ROR2: variants seen among roughly 807,000 people sequenced by gnomAD.
ROR2 encodes the protein ROR family WNT receptor 2.
A neutral mutation model predicts 74.9 loss-of-function variants in ROR2; 33 were observed. The observed-to-expected ratio is 0.44, with a 90% CI of 0.33 to 0.59. ROR2 has a LOEUF of 0.59. Ranked by LOEUF, ROR2 falls within the 20% of genes least tolerant of loss-of-function variation. The pLI, the probability that ROR2 is intolerant of heterozygous loss-of-function variation, is 0.02. For synonymous variants in ROR2, 586 were observed against 558.7 expected, an observed-to-expected ratio of 1.05 and a Z score of -0.69; for missense variants, 1,216 against 1,313.8, an observed-to-expected ratio of 0.93 and a Z score of 1.15.
intron 1 of ROR2, among the ~76,000 whole-genome samples, chr9:91,845,877 CAAAAAAAAAAAAAAAAA>C (rs5899143): frequency 2.4e-4 from 8 of 33,876 alleles, no homozygotes; most frequent in East Asian, 2.0e-3. Context: ...GAATCCATCT[CAAAAAAAAAAAAAAAAA>C]AAAAAAAAAA....
chr9:91,733,003 G>A lies in ROR2; in HGVS notation c.937+119C>T, dbSNP rs79697373. 59,570 of 1,018,922 alleles carry A rather than the reference G, an allele frequency of 0.058. 2,072 individuals are homozygous for A. Among genetic ancestry groups the A allele is most frequent in the African/African-American group, 0.12 (7,262 of 62,176 alleles). The allele number at this position is 1,018,922 out of a possible 1,614,324, so 63.1% of individuals were successfully genotyped here. A position where few individuals can be genotyped will look rare whatever the true frequency, so the allele number is the denominator to read the frequency against. ...CTGTGGGGCCCTCGGCTGCTAAGGG[G>A]GTTCTGTGGGGCCTGGACAGATGGG... On this transcript the variant is annotated intron_variant, in intron 6 of 8. Coordinates refer to ENST00000375708, the MANE Select transcript of ROR2 (RefSeq NM_004560.4). The surrounding 1 kb of genome is among the most constrained non-coding windows in gnomAD (Gnocchi z 5.7).
chr9:91,870,333 C>T (rs1157359695), intron 1 of ROR2, among the ~76,000 whole-genome samples: 1 of 152,136 alleles, frequency 6.6e-6, no homozygotes, highest in Non-Finnish European at 1.5e-5. Flanking sequence ...TATTTTAGAA[C>T]CAAGGAAACT....
intron 1 of ROR2, among the ~76,000 whole-genome samples, chr9:91,824,297 T>C (rs1418919535): frequency 2.0e-5 from 3 of 152,170 alleles, no homozygotes; most frequent in Non-Finnish European, 4.4e-5. Flanking sequence ...GCCTGTGGGG[T>C]TCCCCCAGCC....
rs1008490229 is a variant in ROR2, at chr9:91,733,185, G to C, written c.874C>G (p.Pro292Ala). 1.9e-6 allele frequency: 3 copies of C among 1,609,980 alleles called. No homozygotes were observed. Among genetic ancestry groups the C allele is most frequent in the Non-Finnish European group, 2.5e-6 (3 of 1,178,940 alleles). Reference protein sequence around the residue: ...QLPKCEALPMPESPDAANCMR... With the variant: ...QLPKCEALPMAESPDAANCMR... ...CAGTTGGCAGCGTCGGGGCTCTCAG[G>C]CATGGGCAGCGCCTCACACTTGGGC... Residue 292 changes from proline to alanine, a missense_variant, in exon 6 of 9, where the codon CCT becomes GCT. Physicochemically the swap from Pro to Ala is conservative, Grantham distance 27. Transcript: ENST00000375708. The surrounding 1 kb of genome is among the most constrained non-coding windows in gnomAD (Gnocchi z 5.7).
chr9:91,887,788 C>CCT (rs1554689289), intron 1 of ROR2, among the ~76,000 whole-genome samples: 2 of 100,686 alleles, frequency 2.0e-5, no homozygotes, highest in Non-Finnish European at 3.6e-5. Context: ...CTTTTTTTCT[C>CCT]TTTTTTTTTT....
chr9:91,848,764 GAAAAAAAA>G (rs36044426), intron 1 of ROR2, among the ~76,000 whole-genome samples: 8 of 103,764 alleles, frequency 7.7e-5, no homozygotes, highest in South Asian at 3.5e-4. Flanking sequence ...CAGGGGGGAA[GAAAAAAAA>G]AAAAAAAAAA....
intron 1 of ROR2, among the ~76,000 whole-genome samples, chr9:91,792,551 G>GC (rs1827034936): frequency 6.6e-6 from 1 of 152,048 alleles, no homozygotes; most frequent in African/African-American, 2.4e-5. Flanking sequence ...CTTGTGATCC[G>GC]CCCACCTTGG....
At chr9:91,763,099 A>G (rs943710408) in intron 2 of ROR2, among the ~76,000 whole-genome samples, 1 of 152,200 alleles carries the variant, frequency 6.6e-6, no homozygotes, top group Admixed American at 6.5e-5. Flanking sequence ...TCATGTTCTC[A>G]CTTATAAGTG....
chr9:91,835,014 G>GGGCC (rs1828569472), intron 1 of ROR2, among the ~76,000 whole-genome samples: 1 of 152,150 alleles, frequency 6.6e-6, no homozygotes, highest in Admixed American at 6.5e-5. Flanking sequence ...GTGGGTGGGT[G>GGGCC]GGCCAGGGAT....
At position 91,825,913 on chromosome 9, in the gene ROR2, A is replaced by T. The variant is rs1252099844; in HGVS notation, c.98-50095T>A. 3.3e-5 allele frequency among the ~76,000 whole-genome samples: 5 copies of T among 152,312 alleles called. No individual in the cohort carries two copies. The East Asian group carries it at 9.7e-4, about 29-fold the overall frequency. On this transcript the variant is annotated intron_variant, in intron 1 of 8. Coordinates refer to ENST00000375708, the MANE Select transcript of ROR2 (RefSeq NM_004560.4). ...AGAAGGTCCTTCCATCGGCGAATAA[A>T]CCAATGAAAAGCTTTAATGCTGACT...
chr9:91,901,319 A>G (rs1233196846), intron 1 of ROR2, among the ~76,000 whole-genome samples: 1 of 152,204 alleles, frequency 6.6e-6, no homozygotes, highest in Non-Finnish European at 1.5e-5. Flanking sequence ...TACCTGTGGG[A>G]TATCATGAAA....
intron 1 of ROR2, among the ~76,000 whole-genome samples, chr9:91,904,081 C>T (rs1830748448): frequency 6.6e-6 from 1 of 151,292 alleles, no homozygotes. Flanking sequence ...CGCTCTGCCG[C>T]ATAGGCTGGA....
intron 1 of ROR2, among the ~76,000 whole-genome samples, chr9:91,794,304 A>G (rs1337793569): frequency 6.6e-6 from 1 of 152,234 alleles, no homozygotes; most frequent in Non-Finnish European, 1.5e-5. Context: ...CTAAGTTTCT[A>G]CTGTCACCCC....
intron 1 of ROR2, among the ~76,000 whole-genome samples, chr9:91,922,336 T>G (rs1051713545): frequency 6.6e-6 from 1 of 152,194 alleles, no homozygotes; most frequent in Non-Finnish European, 1.5e-5. Flanking sequence ...GAATGAAATG[T>G]TACTTGGAAA....
chr9:91,934,306 C>T (rs558821210), intron 1 of ROR2, among the ~76,000 whole-genome samples: 3 of 152,274 alleles, frequency 2.0e-5, no homozygotes, highest in East Asian at 3.9e-4. Flanking sequence ...ACAGAAGTCC[C>T]TTTTGATCAT....
At chr9:91,726,019 A>G (rs1372216708) in intron 8 of ROR2, among the ~76,000 whole-genome samples, 2 of 152,214 alleles carry the variant, frequency 1.3e-5, no homozygotes, top group East Asian at 3.8e-4. Flanking sequence ...AGGCTGCAGC[A>G]CATGTTCTCA....
chr9:91,819,958 C>T (rs781562126), intron 1 of ROR2, among the ~76,000 whole-genome samples: 2 of 151,780 alleles, frequency 1.3e-5, no homozygotes, highest in African/African-American at 2.4e-5. Flanking sequence ...GTGTATGTGT[C>T]TGTCTTTGAC....
Position 91,730,977 on chromosome 9 carries a change from C to A in ROR2, c.1116G>T (p.Met372Ile), listed in dbSNP as rs2118683271. ...TCTGCGTAAAGCACCAGGGGCCCTC[C>A]ATCTGGCCTCCGGGGTTCCGGCAGT... Reference protein sequence around the residue: ...HAYCRNPGGQMEGPWCFTQNK... With the variant: ...HAYCRNPGGQIEGPWCFTQNK... The change falls in exon 7 of 9, where the codon ATG becomes ATT. Residue 372 changes from methionine to isoleucine, a missense_variant. Coordinates refer to ENST00000375708, the MANE Select transcript of ROR2 (RefSeq NM_004560.4). 1 of 1,614,240 alleles carries A rather than the reference C, an allele frequency of 6.2e-7. No individual in the cohort carries two copies. Among genetic ancestry groups the A allele is most frequent in the East Asian group, 2.2e-5 (1 of 44,882 alleles).
At chr9:91,899,751 A>C (rs1830624836) in intron 1 of ROR2, among the ~76,000 whole-genome samples, 1 of 151,958 alleles carries the variant, frequency 6.6e-6, no homozygotes, top group African/African-American at 2.4e-5. Context: ...ACACATATAC[A>C]CTCACACACA....
Sources: gnomAD v4.1 joint callset for allele counts (sites outside exome capture counted in the v4.1 genomes callset) on GRCh38, gnomAD v4.1.1 for gene constraint, Gnocchi (gnomAD v3.1) non-coding constraint, MANE v1.5 for transcripts, NCBI Gene and HGNC (gene_info 2026-07-23, HGNC 2026-07-21) for gene names.